The following CPSF1 variants were observed in gnomAD, a reference collection of about 807,000 sequenced individuals.
The protein encoded by CPSF1 is cleavage and polyadenylation specific factor 1, also known as cleavage and polyadenylation specificity factor subunit 1.
CPSF1 carries 106 observed loss-of-function variants against 175.8 expected under a neutral mutation model. The ratio of observed to expected loss-of-function variants is 0.60; its 90% CI spans 0.52 to 0.71. The LOEUF is 0.71. Ranked by LOEUF, CPSF1 falls within the 30% of genes least tolerant of loss-of-function variation. CPSF1 has a pLI of 0.00. For missense variants in CPSF1, 1,734 were observed against 2,022.9 expected (o/e 0.86, Z 2.74); for synonymous variants, 1,024 against 858.3 (o/e 1.19, Z -3.37).
chr8:144,404,671 C>A (rs1821399705), intron 2 of CPSF1, among the ~76,000 whole-genome samples: 1 of 151,588 alleles, frequency 6.6e-6, no homozygotes, highest in Admixed American at 6.6e-5. Flanking sequence ...CGCCCGGCCA[C>A]CACTCAGAAG....
chr8:144,408,240 A>C (rs1821602572), intron 2 of CPSF1, among the ~76,000 whole-genome samples: 1 of 151,962 alleles, frequency 6.6e-6, no homozygotes, highest in Non-Finnish European at 1.5e-5. Context: ...CACACTGTGC[A>C]TGTCTCTCCA....
intron 35 of CPSF1, 23 bp downstream of exon 35, chr8:144,393,860 C>A: frequency 6.2e-7 from 1 of 1,603,298 alleles, no homozygotes; most frequent in Non-Finnish European, 8.5e-7. Context: ...CCCACCCAGA[C>A]ACACCTGCTC....
chr8:144,400,141 C>CCCCT, intron 9 of CPSF1, 25 bp downstream of exon 9: 4 of 1,254,216 alleles, frequency 3.2e-6, no homozygotes, highest in Non-Finnish European at 4.4e-6. Flanking sequence ...CCGGGCCCCC[C>CCCCT]CCGCCCCAGC....
intron 24 of CPSF1, 43 bp downstream of exon 24, chr8:144,396,797 G>A (rs1820782604): frequency 6.2e-7 from 1 of 1,613,482 alleles, no homozygotes; most frequent in African/African-American, 1.3e-5. Flanking sequence ...CCCACACCTT[G>A]TACCACACCC....
At position 144,409,313 on chromosome 8, in the gene CPSF1, G is replaced by T. The variant is rs919291418; in HGVS notation, c.-39C>A. The T allele has an allele frequency of 1.8e-6, 1 of 561,470 alleles. No individual in the cohort carries two copies. The highest frequency in any genetic ancestry group is 8.6e-5 in the South Asian group (1 of 11,586). The allele number at this position is 561,470 out of a possible 1,614,324, so 34.8% of individuals were successfully genotyped here. A position where few individuals can be genotyped will look rare whatever the true frequency, so the allele number is the denominator to read the frequency against. On this transcript the variant is annotated 5_prime_UTR_variant, in exon 1 of 38. Transcript: ENST00000616140. ...CCTGGCAGTTGGAGCCGACTCGAGA[G>T]GAACCGGGACAGCAGCGAACTCAGT... is the stretch of plus-strand genomic sequence containing the variant.
In CPSF1 at chr8:144,398,585, T is replaced by C. The variant is rs2116852638; in HGVS notation, c.1692A>G (p.Glu564=). The C allele has an allele frequency of 6.2e-7, 1 of 1,613,914 alleles. No individual in the cohort carries two copies. The highest frequency in any genetic ancestry group is 1.1e-5 in the South Asian group (1 of 91,090). The change falls in exon 18 of 38, where the codon GAA becomes GAG. Residue 564 remains glutamate (E), a synonymous_variant. Coordinates refer to ENST00000616140, the MANE Select transcript of CPSF1 (RefSeq NM_013291.3). ...GTEQEPSTTP[E]ADDDGRRHGF... ...CGTGTCTGCGGCCGTCGTCGTCTGC[T>C]TCAGGGGTGGTGCTGGGTTCCTGCT...
At position 144,395,553 on chromosome 8, in the gene CPSF1, TGGGGTGGGGGCACA is replaced by T; in HGVS notation, c.2980-16_2980-3del. The T allele has an allele frequency of 3.4e-6, 1 of 293,248 alleles. No individual in the cohort carries two copies. Among genetic ancestry groups the T allele is most frequent in the Non-Finnish European group, 6.5e-6 (1 of 153,854 alleles). 18.2% of individuals were successfully genotyped at this position (293,248 alleles called of 1,614,324 possible). A position where few individuals can be genotyped will look rare whatever the true frequency, so the allele number is the denominator to read the frequency against. On this transcript the variant is annotated splice_polypyrimidine_tract_variant and splice_region_variant and intron_variant, in intron 26 of 37. Transcript: ENST00000616140. ...CAGGACACTGATCCTCAGCTCGCCC[TGGGGTGGGGGCACA>T]GGGGTCAGGGGATCCAGGGCTAGCC...
chr8:144,408,502 T>G (rs1821619353), intron 2 of CPSF1, among the ~76,000 whole-genome samples: 1 of 152,208 alleles, frequency 6.6e-6, no homozygotes, highest in Non-Finnish European at 1.5e-5. Flanking sequence ...ATCCTAGACC[T>G]GGCCTTGTTC....
Position 144,397,598 on chromosome 8 carries a change from G to A in CPSF1, c.2274C>T (p.Ser758=). The A allele has an allele frequency of 6.5e-7, 1 of 1,538,814 alleles. No homozygotes were observed. The highest frequency in any genetic ancestry group is 8.8e-7 in the Non-Finnish European group (1 of 1,137,936). ...GGCTGCTTCTTCGGGCCTCCTCCTTGCTGGGGCTGAAGAGGGAGCCCGAAT... is the reference window on the plus strand; with the variant it reads ...GGCTGCTTCTTCGGGCCTCCTCCTTACTGGGGCTGAAGAGGGAGCCCGAAT... The part of the protein sequence containing the change: ...YGDSGSLFSP[S]KEEARRSSQP... The change falls in exon 22 of 38, where the codon AGC becomes AGT. Residue 758 remains serine, a synonymous_variant. Coordinates refer to ENST00000616140, the MANE Select transcript of CPSF1 (RefSeq NM_013291.3).
At position 144,399,781 on chromosome 8, in the gene CPSF1, G is replaced by T; in HGVS notation, c.1119C>A (p.Ser373Arg). ...DKAAASVLTT[S>R]MVTMEPGYLF... ...GACCCAACCCCTAGTCCCAACTCACGCTGGTGGTGAGGACGCTGGCGGCCG... is the reference window on the plus strand; with the variant it reads ...GACCCAACCCCTAGTCCCAACTCACTCTGGTGGTGAGGACGCTGGCGGCCG... Residue 373 changes from serine to arginine, a missense_variant and splice_region_variant, in exon 11 of 38, where the codon AGC becomes AGA. This residue lies in a region of CPSF1 where 162 missense variants were observed against 169.5 expected (regional missense o/e 0.96). Transcript: ENST00000616140. The surrounding 1 kb of genome is among the most constrained non-coding windows in gnomAD (Gnocchi z 6.4). The T allele has an allele frequency of 6.3e-7, 1 of 1,577,640 alleles. No homozygotes were observed. The highest frequency in any genetic ancestry group is 8.6e-7 in the Non-Finnish European group (1 of 1,162,248).
Position 144,394,875 on chromosome 8 carries a change from C to T in CPSF1, c.3414+7G>A. ...CCAGTTCCCGCCCCCGCTCACTGGC[C>T]CCTTACCCGCCCTCGGCACGTGACC... On this transcript the variant is annotated splice_region_variant and intron_variant, in intron 30 of 37. Transcript: ENST00000616140. 1 of 1,611,786 alleles carries T rather than the reference C, an allele frequency of 6.2e-7. No homozygotes were observed. The highest frequency in any genetic ancestry group is 8.5e-7 in the Non-Finnish European group (1 of 1,179,250).
chr8:144,400,867 G>A (rs1484589274), intron 6 of CPSF1, 50 bp from the exon 7 acceptor site: 1 of 1,607,332 alleles, frequency 6.2e-7, no homozygotes, highest in African/African-American at 1.3e-5. Flanking sequence ...GGGGAGGGGA[G>A]CTCGGGCTCT....
chr8:144,399,457 C>G lies in CPSF1; in HGVS notation c.1289G>C (p.Trp430Ser). 1 of 1,612,958 alleles carries G rather than the reference C, an allele frequency of 6.2e-7. No individual in the cohort carries two copies. Among genetic ancestry groups the G allele is most frequent in the South Asian group, 1.1e-5 (1 of 91,052 alleles). ...KKKRVDATAG[W>S]SAAGKSVPQD... The stretch of plus-strand genomic sequence containing the variant: ...AGCCCTGGACCGGCCCTCACCTGAC[C>G]AGCCGGCCGTCGCATCCACTCGCTT... The change falls in exon 13 of 38, where the codon TGG (tryptophan) becomes TCG (serine). Residue 430 changes from tryptophan to serine, a missense_variant. Transcript: ENST00000616140. This position sits in a 1 kb window ranked among gnomAD's most constrained non-coding sequence, Gnocchi z 6.4.
chr8:144,404,335 G>A (rs1460425623), intron 2 of CPSF1, among the ~76,000 whole-genome samples: 1 of 152,022 alleles, frequency 6.6e-6, no homozygotes, highest in Non-Finnish European at 1.5e-5. Context: ...GCACTTCTGT[G>A]TACATGCAAG....
chr8:144,405,775 C>T (rs2116903114), intron 2 of CPSF1, among the ~76,000 whole-genome samples: 29 of 152,202 alleles, frequency 1.9e-4, no homozygotes, highest in African/African-American at 6.8e-4. Context: ...CAGCTTCTGC[C>T]TTAGCCTCCT....
At position 144,398,889 on chromosome 8, in the gene CPSF1, G is replaced by A. The variant is rs2116855888; in HGVS notation, c.1549-21C>T. ...CTCTTCTAGAATGATGATGGGGTGG[G>A]GGTGTGATGGGGGTGTGAGCCCACC... On this transcript the variant is annotated intron_variant, in intron 16 of 37. Coordinates refer to ENST00000616140, the MANE Select transcript of CPSF1 (RefSeq NM_013291.3). 1.9e-6 allele frequency: 3 copies of A among 1,609,444 alleles called. No homozygotes were observed. The Admixed American group carries it at 5.0e-5, about 27-fold the overall frequency.
chr8:144,400,135 G>GGGGGGGGGGCCGCCCCCCCC, intron 9 of CPSF1, 31 bp downstream of exon 9: 1 of 896,012 alleles, frequency 1.1e-6, no homozygotes, highest in Non-Finnish European at 1.6e-6. Flanking sequence ...CCGTCCCCGG[G>GGGGGGGGGGCCGCCCCCCCC]CCCCCCCCGC....
intron 30 of CPSF1, 42 bp from the exon 31 acceptor site, chr8:144,394,838 G>A (rs1554863022): frequency 6.2e-7 from 1 of 1,612,446 alleles, no homozygotes; most frequent in South Asian, 1.1e-5. Context: ...TGTGGGGATG[G>A]CAGAGGGGCT....
chr8:144,407,773 C>T (rs2116909301), intron 2 of CPSF1, among the ~76,000 whole-genome samples: 14 of 152,300 alleles, frequency 9.2e-5, no homozygotes, highest in African/African-American at 3.4e-4. Context: ...TCCTGAACTC[C>T]TGGCCTCAAG....
Sources: gnomAD v4.1 joint callset for allele counts (sites outside exome capture counted in the v4.1 genomes callset) on GRCh38, gnomAD v4.1.1 for gene constraint, gnomAD v4.1.1 regional missense constraint, Gnocchi (gnomAD v3.1) non-coding constraint, MANE v1.5 for transcripts, NCBI Gene and HGNC (gene_info 2026-07-23, HGNC 2026-07-21) for gene names.